Variants in SLC26A5 observed in about 807,000 individuals in gnomAD.
SLC26A5 encodes prestin.
A neutral mutation model predicts 81.0 loss-of-function variants in SLC26A5; 51 were observed. The observed-to-expected ratio is 0.63, with a 90% CI of 0.50 to 0.80. The LOEUF is 0.80. SLC26A5 is among the 30% of genes least tolerant of loss of function. SLC26A5 has a pLI of 0.00. For missense variants in SLC26A5, 771 were observed against 905.8 expected (o/e 0.85, Z 1.91); for synonymous variants, 325 against 332.8 (o/e 0.98, Z 0.25).
downstream of SLC26A5, among the ~76,000 whole-genome samples, chr7:103,371,532 A>C (rs368423580): frequency 1.5e-4 from 22 of 151,458 alleles, no homozygotes; most frequent in East Asian, 1.4e-3. Flanking sequence ...TCACCATGTT[A>C]GCCAGGATGA....
intron 2 of SLC26A5, among the ~76,000 whole-genome samples, chr7:103,438,838 T>C (rs560631390): frequency 6.6e-6 from 1 of 152,258 alleles, no homozygotes; most frequent in Admixed American, 6.5e-5. Flanking sequence ...CATAGATCAG[T>C]TTTGCCTATT....
intron 7 of SLC26A5, among the ~76,000 whole-genome samples, chr7:103,409,046 TC>T (rs1433573536): frequency 6.6e-6 from 1 of 152,270 alleles, no homozygotes; most frequent in African/African-American, 2.4e-5. Flanking sequence ...TCCATTTTTA[TC>T]AGTCAGGGAC....
chr7:103,362,484 C>T, intron 19 of SLC26A5: 5 of 1,401,206 alleles, frequency 3.6e-6, no homozygotes, highest in Non-Finnish European at 4.6e-6. Context: ...GGTTTGATTG[C>T]TGTTGGATAG....
At chr7:103,408,416 G>A (rs372880969) in intron 7 of SLC26A5, among the ~76,000 whole-genome samples, 4 of 151,934 alleles carry the variant, frequency 2.6e-5, no homozygotes, top group Admixed American at 2.0e-4. Flanking sequence ...TAGTAGACAC[G>A]GAGTTTCACC....
intron 14 of SLC26A5, among the ~76,000 whole-genome samples, chr7:103,386,669 A>G (rs2116437473): frequency 6.6e-6 from 1 of 152,280 alleles, no homozygotes; most frequent in African/African-American, 2.4e-5. Context: ...AAGATACCAT[A>G]AAATCCTATT....
rs548394882 is a variant in SLC26A5 at position 103,355,465 on chromosome 7, A to G, written c.2042-2539T>C. On this transcript the variant is annotated intron_variant, in intron 19 of 19. Coordinates refer to the SLC26A5 transcript ENST00000339444. Reference sequence around the variant, plus strand: ...ACCCTCCCAACCCCTCCCAGAGGACACTGGGCAATGTCTGGAGACATCCTT... The same window carrying G: ...ACCCTCCCAACCCCTCCCAGAGGACGCTGGGCAATGTCTGGAGACATCCTT... Among the ~76,000 whole-genome samples, 194 of 141,362 alleles carry G rather than the reference A, an allele frequency of 1.4e-3. 2 individuals are homozygous for G. Among genetic ancestry groups the G allele is most frequent in the Non-Finnish European group, 2.2e-3 (146 of 64,992 alleles). The allele number at this position is 141,362 out of a possible 152,430, so 92.7% of individuals were successfully genotyped here.
chr7:103,442,463 G>A (rs947195515), intron 2 of SLC26A5, among the ~76,000 whole-genome samples: 1 of 152,118 alleles, frequency 6.6e-6, no homozygotes, highest in African/African-American at 2.4e-5. Flanking sequence ...GAAAACGATT[G>A]TATTCTGGAG....
intron 2 of SLC26A5, among the ~76,000 whole-genome samples, chr7:103,436,989 T>C (rs1184487193): frequency 6.6e-6 from 1 of 151,880 alleles, no homozygotes; most frequent in Non-Finnish European, 1.5e-5. Context: ...AACAACAAAA[T>C]GAGGAGACAA....
intron 2 of SLC26A5, among the ~76,000 whole-genome samples, chr7:103,435,331 T>C (rs1270444523): frequency 6.6e-6 from 1 of 152,230 alleles, no homozygotes. Flanking sequence ...TTCTTTTTCA[T>C]GCTTCTTCAT....
chr7:103,376,438 T>C (rs1418043489), intron 19 of SLC26A5, among the ~76,000 whole-genome samples: 3 of 152,180 alleles, frequency 2.0e-5, no homozygotes, highest in Non-Finnish European at 2.9e-5. Context: ...TATTCCCAAA[T>C]GATTGGATAG....
In SLC26A5 at chr7:103,432,332, T is replaced by C. The variant is rs181084647; in HGVS notation, c.-54+10751A>G. Reference sequence around the variant, plus strand: ...ACTGATTTATTCTCCCTTTTCTCTTTCCTTCTGGAATTTCTATTTGACATT... The same window carrying C: ...ACTGATTTATTCTCCCTTTTCTCTTCCCTTCTGGAATTTCTATTTGACATT... On this transcript the variant is annotated intron_variant, in intron 2 of 19. Transcript: ENST00000306312. Among the ~76,000 whole-genome samples the C allele has an allele frequency of 1.4e-4, 21 of 152,340 alleles. No homozygotes were observed. The East Asian group carries it at 2.7e-3, about 20-fold the overall frequency.
At chr7:103,433,657 C>A (rs1373401189) in intron 2 of SLC26A5, 1 of 150,320 alleles carries the variant, frequency 6.7e-6, no homozygotes, top group Non-Finnish European at 1.5e-5. Context: ...AGTCATTCTT[C>A]TTGAGCTCAC....
chr7:103,387,461 C>T (rs938518495), intron 14 of SLC26A5, among the ~76,000 whole-genome samples: 7 of 152,236 alleles, frequency 4.6e-5, no homozygotes, highest in East Asian at 3.9e-4. Context: ...TGTGTTAGAG[C>T]GGGAAGGGCA....
chr7:103,410,157 A>T (rs1824372276), intron 7 of SLC26A5, among the ~76,000 whole-genome samples: 1 of 152,210 alleles, frequency 6.6e-6, no homozygotes, highest in South Asian at 2.1e-4. Flanking sequence ...CTAGCAAAAA[A>T]TTCCTTGTGA....
At position 103,397,961 on chromosome 7, in the gene SLC26A5, A is replaced by AT; in HGVS notation, c.941dup (p.Asn314LysfsTer51). ...GAGGAAGTGTTCCAACGACATCCAC[A>AT]TTGTATGATTCTTTCAAGTTAAACC... On this transcript the variant is annotated frameshift_variant, in exon 9 of 20. Transcript: ENST00000306312. LOFTEE classifies it high-confidence loss of function. 6.2e-7 allele frequency: 1 copy of AT among 1,614,090 alleles called. No individual in the cohort carries two copies. Among genetic ancestry groups the AT allele is most frequent in the Non-Finnish European group, 8.5e-7 (1 of 1,179,990 alleles).
At chr7:103,403,691 CCT>C (rs1823787045) in intron 8 of SLC26A5, among the ~76,000 whole-genome samples, 1 of 148,594 alleles carries the variant, frequency 6.7e-6, no homozygotes, top group Admixed American at 6.6e-5. Flanking sequence ...ACTGCAATCC[CCT>C]GCTTTTTTTT....
intron 12 of SLC26A5, among the ~76,000 whole-genome samples, chr7:103,389,903 G>T (rs560918899): frequency 1.3e-5 from 2 of 152,186 alleles, no homozygotes; most frequent in South Asian, 4.1e-4. Context: ...GCCAATTACA[G>T]GTGTGAGCCA....
chr7:103,395,470 TATAC>T (rs1395658227), intron 9 of SLC26A5, among the ~76,000 whole-genome samples: 1 of 142,778 alleles, frequency 7.0e-6, no homozygotes, highest in African/African-American at 2.5e-5. Flanking sequence ...TATATATATA[TATAC>T]ATATATATAT....
At chr7:103,415,971 C>T (rs1422127778) in intron 4 of SLC26A5, among the ~76,000 whole-genome samples, 2 of 152,162 alleles carry the variant, frequency 1.3e-5, no homozygotes, top group Admixed American at 6.5e-5. Flanking sequence ...TTCTCTCTTA[C>T]TGTCTTTTTC....
Sources: gnomAD v4.1 joint callset for allele counts (sites outside exome capture counted in the v4.1 genomes callset) on GRCh38, gnomAD v4.1.1 for gene constraint, MANE v1.5 for transcripts, NCBI Gene and HGNC (gene_info 2026-07-23, HGNC 2026-07-21) for gene names.